The following RANBP2 variants were observed in gnomAD, a reference collection of about 807,000 sequenced individuals.
RANBP2 encodes RAN binding protein 2.
In RANBP2, 57 loss-of-function variants were observed where a neutral mutation model predicts 303.6. The observed-to-expected ratio is 0.19, with a 90% confidence interval of 0.15 to 0.23. The LOEUF is 0.23. Among genes scored for constraint, RANBP2 ranks in the 10% least tolerant of loss-of-function variants. The pLI is 1.00. For missense variants in RANBP2, 3,138 were observed against 3,780.8 expected (o/e 0.83, Z 4.46); for synonymous variants, 1,167 against 1,301.5 (o/e 0.90, Z 2.23).
intron 28 of RANBP2, 108 bp from the exon 29 acceptor site, chr2:108,783,488 A>G (rs1282293586): frequency 1.3e-6 from 1 of 747,062 alleles, no homozygotes; most frequent in Middle Eastern, 3.7e-4. Context: ...GCTGGGCTTT[A>G]GGATTTAACA....
chr2:109,364,872 C>G, the RANBP2 span, among the ~76,000 whole-genome samples: 1 of 149,946 alleles, frequency 6.7e-6, no homozygotes, highest in African/African-American at 2.5e-5. Context: ...AGGCAGATTA[C>G]TTGAGGTCAG....
chr2:108,793,160 A>G, the RANBP2 span, among the ~76,000 whole-genome samples: 1 of 151,500 alleles, frequency 6.6e-6, no homozygotes, highest in East Asian at 2.0e-4. Context: ...GATCCAGACC[A>G]TCCTGGCTAA....
At chr2:108,727,336 AAG>A (rs1694803779) in intron 1 of RANBP2, among the ~76,000 whole-genome samples, 1 of 152,204 alleles carries the variant, frequency 6.6e-6, no homozygotes, top group South Asian at 2.1e-4. Flanking sequence ...AAGAAGGAAA[AAG>A]AAATTTGTGC....
the RANBP2 span, among the ~76,000 whole-genome samples, chr2:109,055,440 C>T: frequency 1.3e-5 from 2 of 149,556 alleles, no homozygotes; most frequent in African/African-American, 2.5e-5. Context: ...CGGCTCATTG[C>T]AACTTCCGCC....
chr2:108,754,996 A>G lies in RANBP2; in HGVS notation c.2294A>G (p.Asn765Ser). The change falls in exon 16 of 29, where the codon AAT becomes AGT. Residue 765 changes from asparagine (N) to serine (S), a missense_variant. Transcript: ENST00000283195. Reference protein sequence around the residue: ...DYSEGGPLYKNGSLRNADSEI... With the variant: ...DYSEGGPLYKSGSLRNADSEI... Reference sequence around the variant, plus strand: ...AGTGAAGGAGGTCCTCTCTATAAAAATGGTTCTTTGCGAAATGCAGATTCA... The same window carrying G: ...AGTGAAGGAGGTCCTCTCTATAAAAGTGGTTCTTTGCGAAATGCAGATTCA... The G allele has an allele frequency of 6.8e-6, 11 of 1,611,900 alleles. No homozygotes were observed. The highest frequency in any genetic ancestry group is 1.1e-5 in the South Asian group (1 of 90,992).
the RANBP2 span, among the ~76,000 whole-genome samples, chr2:108,809,527 C>T: frequency 5.3e-5 from 8 of 149,648 alleles, no homozygotes; most frequent in South Asian, 1.5e-3. Context: ...TAGTTTTCAT[C>T]GTGGAAATCT....
the RANBP2 span, among the ~76,000 whole-genome samples, chr2:109,511,950 C>T: frequency 6.6e-6 from 1 of 152,172 alleles, no homozygotes; most frequent in Non-Finnish European, 1.5e-5. Flanking sequence ...TGCACACGTA[C>T]TGCAGAATTG....
At chr2:109,456,091 G>A in the RANBP2 span, among the ~76,000 whole-genome samples, 1 of 152,194 alleles carries the variant, frequency 6.6e-6, no homozygotes, top group Admixed American at 6.5e-5. Context: ...CAGGCCCACT[G>A]GGGGCTTGGG....
At chr2:109,063,990 C>T in the RANBP2 span, among the ~76,000 whole-genome samples, 5 of 152,068 alleles carry the variant, frequency 3.3e-5, no homozygotes, top group Non-Finnish European at 4.4e-5. Flanking sequence ...CCATCATGTC[C>T]GTTTCATGTG....
the RANBP2 span, among the ~76,000 whole-genome samples, chr2:109,041,833 G>A: frequency 6.6e-6 from 1 of 151,722 alleles, no homozygotes; most frequent in Admixed American, 6.6e-5. Context: ...GAGCCAACCC[G>A]CCCGGCCTGA....
chr2:109,522,055 G>A, the RANBP2 span, among the ~76,000 whole-genome samples: 1 of 152,100 alleles, frequency 6.6e-6, no homozygotes, highest in Non-Finnish European at 1.5e-5. Context: ...AATGTTTAAA[G>A]TTTTGATAAA....
chr2:109,554,850 T>G, the RANBP2 span, among the ~76,000 whole-genome samples: 1 of 152,212 alleles, frequency 6.6e-6, no homozygotes, highest in African/African-American at 2.4e-5. Context: ...AGTGCTGATA[T>G]GGAGTACTAG....
At chr2:109,129,183 G>A in the RANBP2 span, 12 of 459,504 alleles carry the variant, frequency 2.6e-5, no homozygotes, top group Admixed American at 2.6e-4. Flanking sequence ...TGGTCTCCCA[G>A]GCGCGAGCCG....
At chr2:109,130,769 A>T in the RANBP2 span, among the ~76,000 whole-genome samples, 1 of 151,904 alleles carries the variant, frequency 6.6e-6, no homozygotes, top group Non-Finnish European at 1.5e-5. Context: ...ATTTATATTT[A>T]TTATTATTAT....
the RANBP2 span, among the ~76,000 whole-genome samples, chr2:109,417,081 C>A: frequency 3.2e-4 from 48 of 152,242 alleles, 1 homozygote; most frequent in South Asian, 9.3e-3. Context: ...TGCTTGGTAA[C>A]TATTTGAATG....
intron 1 of RANBP2, among the ~76,000 whole-genome samples, chr2:108,726,438 G>GT (rs1302706279): frequency 0.11 from 13,884 of 124,162 alleles, 794 homozygotes; most frequent in Non-Finnish European, 0.15. Flanking sequence ...GAGTTTTTTT[G>GT]TTTTTTTTTT....
the RANBP2 span, among the ~76,000 whole-genome samples, chr2:108,948,474 T>A: frequency 6.6e-6 from 1 of 152,244 alleles, no homozygotes; most frequent in Non-Finnish European, 1.5e-5. Flanking sequence ...CACACTGCTA[T>A]AAAGATACTA....
chr2:108,892,104 T>G, the RANBP2 span, among the ~76,000 whole-genome samples: 1 of 152,028 alleles, frequency 6.6e-6, no homozygotes, highest in East Asian at 1.9e-4. Context: ...AGTGCTCAGG[T>G]AAGGGATGAT....
the RANBP2 span, among the ~76,000 whole-genome samples, chr2:109,227,436 C>T: frequency 6.6e-6 from 1 of 152,184 alleles, no homozygotes; most frequent in African/African-American, 2.4e-5. Context: ...TTCTCACAGT[C>T]AAGTAAAAAC....
Sources: allele counts gnomAD v4.1 joint callset (sites outside exome capture counted in the v4.1 genomes callset), GRCh38; gene constraint gnomAD v4.1.1; transcripts MANE v1.5; gene names NCBI Gene and HGNC (gene_info 2026-07-23, HGNC 2026-07-21).